The following SPRED1 variants were observed in gnomAD, a reference collection of about 807,000 sequenced individuals.
SPRED1 encodes the protein sprouty-related, EVH1 domain-containing protein 1.
A neutral mutation model predicts 52.3 loss-of-function variants in SPRED1; 18 were observed. The observed-to-expected ratio is 0.34, with a 90% CI of 0.24 to 0.51. The LOEUF (loss-of-function observed/expected upper bound fraction) is 0.51, where lower values mean the gene tolerates loss of function less well. SPRED1 is among the 20% of genes least tolerant of loss of function. SPRED1 has a pLI of 0.97. For missense variants in SPRED1, 485 were observed against 551.0 expected, an observed-to-expected ratio of 0.88 and a Z score of 1.20; for synonymous variants, 155 against 179.7, an observed-to-expected ratio of 0.86 and a Z score of 1.10.
intron 1 of SPRED1, among the ~76,000 whole-genome samples, chr15:38,273,456 C>A (rs1894480471): frequency 6.7e-6 from 1 of 150,080 alleles, no homozygotes; most frequent in Non-Finnish European, 1.5e-5. Context: ...AGCTCAGGAT[C>A]AAATGAATAT....
intron 4 of SPRED1, among the ~76,000 whole-genome samples, chr15:38,326,563 T>C (rs2037524): frequency 0.091 from 13,818 of 152,228 alleles, 753 homozygotes; most frequent in East Asian, 0.21. Context: ...AACTTTCGAT[T>C]GAAGTAGTAG....
intron 2 of SPRED1, among the ~76,000 whole-genome samples, chr15:38,307,782 T>C (rs749681571): frequency 3.9e-5 from 6 of 152,186 alleles, no homozygotes; most frequent in Admixed American, 1.3e-4. Flanking sequence ...TTAGACTTAC[T>C]TTAACTTTTG....
chr15:38,283,231 C>G (rs1204139345), intron 1 of SPRED1, among the ~76,000 whole-genome samples: 5 of 152,244 alleles, frequency 3.3e-5, no homozygotes, highest in Admixed American at 6.5e-5. Flanking sequence ...GGGGAACTGT[C>G]AAACACATAT....
chr15:38,347,856 T>G (rs1296874228), intron 5 of SPRED1, among the ~76,000 whole-genome samples: 1 of 152,044 alleles, frequency 6.6e-6, no homozygotes, highest in Non-Finnish European at 1.5e-5. Flanking sequence ...GTACCAAATT[T>G]TGAGGGTATT....
At chr15:38,294,377 A>G (rs1055846857) in intron 1 of SPRED1, among the ~76,000 whole-genome samples, 2 of 152,116 alleles carry the variant, frequency 1.3e-5, no homozygotes, top group Admixed American at 1.3e-4. Flanking sequence ...TTTTAATACT[A>G]TTGTAATTAA....
At chr15:38,342,477 CTT>C (rs1896050205) in intron 5 of SPRED1, among the ~76,000 whole-genome samples, 1 of 151,910 alleles carries the variant, frequency 6.6e-6, no homozygotes, top group South Asian at 2.1e-4. Flanking sequence ...CTTTTTATGA[CTT>C]TTGACATTCT....
intron 2 of SPRED1, among the ~76,000 whole-genome samples, chr15:38,307,600 C>G (rs1208522238): frequency 6.6e-6 from 1 of 152,170 alleles, no homozygotes; most frequent in Non-Finnish European, 1.5e-5. Context: ...AGGGCTTTAA[C>G]ATATGAATTT....
At chr15:38,333,940 C>G (rs890264696) in intron 4 of SPRED1, among the ~76,000 whole-genome samples, 1 of 151,960 alleles carries the variant, frequency 6.6e-6, no homozygotes, top group Admixed American at 6.6e-5. Context: ...TTGCTTAATC[C>G]CTTTGAATTT....
rs151287374 is a variant in SPRED1 at position 38,308,504 on chromosome 15, C to G, written c.207+8957C>G. ...GTTGATTTTATCACCACATCTATTTCCGTTTTTGCCAGGCAACCACTATTT... is the reference window on the plus strand; with the variant it reads ...GTTGATTTTATCACCACATCTATTTGCGTTTTTGCCAGGCAACCACTATTT... On this transcript the variant is annotated intron_variant, in intron 2 of 6. Transcript: ENST00000299084. 2.0e-5 allele frequency among the ~76,000 whole-genome samples: 3 copies of G among 152,320 alleles called. No individual in the cohort carries two copies. In the East Asian group the frequency reaches 5.8e-4, roughly 29 times the overall value.
At position 38,273,519 on chromosome 15, in the gene SPRED1, TAATA is replaced by T. The variant is rs1178089131; in HGVS notation, c.32+20303_32+20306del. Among the ~76,000 whole-genome samples the T allele has an allele frequency of 1.6e-3, 180 of 112,976 alleles. 1 individual carries two copies. Among genetic ancestry groups the T allele is most frequent in the African/African-American group, 5.6e-3 (175 of 31,530 alleles). The allele number at this position is 112,976 out of a possible 152,430, so 74.1% of individuals were successfully genotyped here. ...CTTAATTTTTATTTTTATGTATTATTAATATATATATATATATATATATATATAT... is the reference window on the plus strand; with the variant it reads ...CTTAATTTTTATTTTTATGTATTATTTATATATATATATATATATATATAT... On this transcript the variant is annotated intron_variant, in intron 1 of 6. Transcript: ENST00000299084.
rs993705306 is a variant in SPRED1 at position 38,290,566 on chromosome 15, C to T, written c.33-8807C>T. Among the ~76,000 whole-genome samples, 3 of 152,126 alleles carry T rather than the reference C, an allele frequency of 2.0e-5. No homozygotes were observed. In the East Asian group the frequency reaches 5.8e-4, roughly 29 times the overall value. ...TTCATGCTGCTGATAAAGACATACC[C>T]AAGACTGGGAACAAAAAGAGGTTTA... On this transcript the variant is annotated intron_variant, in intron 1 of 6. Transcript: ENST00000299084.
chr15:38,302,366 T>C (rs1895163649), intron 2 of SPRED1, among the ~76,000 whole-genome samples: 1 of 152,188 alleles, frequency 6.6e-6, no homozygotes, highest in Non-Finnish European at 1.5e-5. Context: ...GAAAGTTATA[T>C]ACTTTACTGT....
Position 38,351,260 on chromosome 15 carries a change from T to C in SPRED1, c.931T>C (p.Phe311Leu), listed in dbSNP as rs375700452. ...KLSSPKDSVV[F>L]KTQPSSLKIK... is the part of the protein sequence containing the mutation. ...AAGTTCACCCAAAGACTCTGTGGTA[T>C]TTAAGACGCAGCCTTCCTCATTAAA... Residue 311 changes from phenylalanine (F) to leucine (L), a missense_variant, in exon 7 of 7, where the codon TTT becomes CTT. Transcript: ENST00000299084. 6.2e-7 allele frequency: 1 copy of C among 1,614,070 alleles called. No homozygotes were observed. Among genetic ancestry groups the C allele is most frequent in the Non-Finnish European group, 8.5e-7 (1 of 1,180,006 alleles).
intron 4 of SPRED1, among the ~76,000 whole-genome samples, chr15:38,330,521 G>A (rs567335703): frequency 6.6e-6 from 1 of 152,174 alleles, no homozygotes; most frequent in African/African-American, 2.4e-5. Context: ...TAATGGTTTT[G>A]TTGGGCTTGT....
chr15:38,352,454 A>C lies in SPRED1; in HGVS notation c.*790A>C, dbSNP rs1054394753. The C allele has an allele frequency of 6.6e-6, 1 of 152,432 alleles. No homozygotes were observed. The highest frequency in any genetic ancestry group is 1.9e-4 in the East Asian group (1 of 5,202). The allele number at this position is 152,432 out of a possible 1,614,324, so 9.4% of individuals were successfully genotyped here. ...CCTTGAGTGACCAACTTTTTTTTTA[A>C]AGCACAGATGTAATTGTCTAATGTT... On this transcript the variant is annotated 3_prime_UTR_variant, in exon 7 of 7. Transcript: ENST00000299084.
chr15:38,272,926 C>A (rs1041526655), intron 1 of SPRED1, among the ~76,000 whole-genome samples: 3 of 152,048 alleles, frequency 2.0e-5, no homozygotes, highest in African/African-American at 4.8e-5. Flanking sequence ...CTTATAGATT[C>A]TGGATATTAT....
chr15:38,266,837 G>GA (rs10711288), intron 1 of SPRED1, among the ~76,000 whole-genome samples: 10 of 150,412 alleles, frequency 6.6e-5, no homozygotes, highest in Admixed American at 2.0e-4. Context: ...GAGCCAAAAA[G>GA]AAAAAAAAAA....
chr15:38,262,187 A>G (rs947725767), intron 1 of SPRED1, among the ~76,000 whole-genome samples: 1 of 152,182 alleles, frequency 6.6e-6, no homozygotes, highest in African/African-American at 2.4e-5. Context: ...ACTTTTTCCT[A>G]AAGAAATTCA....
intron 2 of SPRED1, among the ~76,000 whole-genome samples, chr15:38,310,301 C>T (rs574483434): frequency 4.5e-4 from 68 of 151,988 alleles, no homozygotes; most frequent in African/African-American, 1.5e-3. Context: ...CCACCACGCT[C>T]GCTAATTTTT....
Sources: gnomAD v4.1 joint callset for allele counts (sites outside exome capture counted in the v4.1 genomes callset) on GRCh38, gnomAD v4.1.1 for gene constraint, MANE v1.5 for transcripts, NCBI Gene and HGNC (gene_info 2026-07-23, HGNC 2026-07-21) for gene names.